Variants in AHI1 observed in about 807,000 individuals in gnomAD.
AHI1 encodes the protein Abelson helper integration site 1.
A neutral mutation model predicts 149.3 loss-of-function variants in AHI1; 123 were observed. That is an observed-to-expected ratio of 0.82 (90% CI 0.71 to 0.96). The LOEUF is 0.96. Among genes scored for constraint, AHI1 ranks in the 40% least tolerant of loss-of-function variants. The pLI, the probability that AHI1 is intolerant of heterozygous loss-of-function variation, is 0.00. For synonymous variants in AHI1, 475 were observed against 459.8 expected (o/e 1.03, Z -0.42); for missense variants, 1,439 against 1,422.7 (o/e 1.01, Z -0.18).
At chr6:135,489,133 G>A (rs1398150743) in intron 5 of AHI1, among the ~76,000 whole-genome samples, 2 of 152,068 alleles carry the variant, frequency 1.3e-5, no homozygotes, top group African/African-American at 4.8e-5. Flanking sequence ...TCTCCTCTAA[G>A]TCCTTTAGAA....
intron 23 of AHI1, among the ~76,000 whole-genome samples, chr6:135,376,881 CAAAAAAAAAAAAAAAAAAAAAAAAA>C (rs1167083326): frequency 3.7e-4 from 11 of 29,414 alleles, no homozygotes; most frequent in Admixed American, 3.7e-3. Flanking sequence ...GACTCCATCT[CAAAAAAAAAAAAAAAAAAAAAAAAA>C]AAAAAAAAAA....
chr6:135,398,301 C>A (rs958032484), intron 22 of AHI1, among the ~76,000 whole-genome samples: 4 of 151,902 alleles, frequency 2.6e-5, no homozygotes, highest in Non-Finnish European at 5.9e-5. Context: ...TCAAATATGA[C>A]CCCTCAGTCC....
In AHI1 at chr6:135,451,627, T is replaced by C. The variant is rs1788118376; in HGVS notation, c.1440+1714A>G. Reference sequence around the variant, plus strand: ...TGGGGGGTGGGGATGGGATAAGAATTCTTGACTGCCATTTTTGCCAATGGC... The same window carrying C: ...TGGGGGGTGGGGATGGGATAAGAATCCTTGACTGCCATTTTTGCCAATGGC... On this transcript the variant is annotated intron_variant, in intron 11 of 28. Coordinates refer to ENST00000265602, the MANE Select transcript of AHI1 (RefSeq NM_001134831.2). Among the ~76,000 whole-genome samples the C allele has an allele frequency of 2.0e-5, 3 of 152,046 alleles. No homozygotes were observed. In the South Asian group the frequency reaches 6.2e-4, roughly 32 times the overall value.
intron 23 of AHI1, among the ~76,000 whole-genome samples, chr6:135,391,128 T>C (rs1027140209): frequency 6.6e-5 from 10 of 152,222 alleles, no homozygotes; most frequent in Non-Finnish European, 8.8e-5. Context: ...AAGCATCTCA[T>C]AGGAGCTGTA....
chr6:135,428,586 C>A, intron 19 of AHI1, 43 bp downstream of exon 19: 2 of 1,573,560 alleles, frequency 1.3e-6, no homozygotes, highest in South Asian at 1.2e-5. Flanking sequence ...CTTCAAACCC[C>A]TGTACCTCCC....
chr6:135,382,941 A>G (rs1239210281), intron 23 of AHI1, among the ~76,000 whole-genome samples: 1 of 132,466 alleles, frequency 7.5e-6, no homozygotes, highest in Non-Finnish European at 1.6e-5. Context: ...ATATATATAT[A>G]TATATATATA....
intron 5 of AHI1, among the ~76,000 whole-genome samples, chr6:135,481,997 T>C (rs1260105692): frequency 6.6e-6 from 1 of 152,054 alleles, no homozygotes; most frequent in Non-Finnish European, 1.5e-5. Flanking sequence ...CTGGCTACTT[T>C]TAAGATTTCC....
chr6:135,300,436 A>C, intron 27 of AHI1, 64 bp downstream of exon 27: 1 of 1,423,918 alleles, frequency 7.0e-7, no homozygotes, highest in Non-Finnish European at 9.4e-7. Context: ...GAAATGGAGA[A>C]ATTATCCTTA....
intron 5 of AHI1, among the ~76,000 whole-genome samples, chr6:135,471,380 G>A (rs969875530): frequency 6.6e-6 from 1 of 152,030 alleles, no homozygotes; most frequent in African/African-American, 2.4e-5. Context: ...ACCTTTCATA[G>A]CATTACACTG....
Position 135,394,764 on chromosome 6 carries a change from A to T in AHI1, c.3109+12T>A, listed in dbSNP as rs1229367138. ...CATTTAAAAGAATTGTCAAAGTAAG[A>T]AAGGGGCTCACCGGTCTGAGTGAAA... On this transcript the variant is annotated intron_variant, in intron 23 of 28. Transcript: ENST00000265602. The T allele has an allele frequency of 3.1e-6, 5 of 1,609,670 alleles. No individual in the cohort carries two copies. The highest frequency in any genetic ancestry group is 2.7e-5 in the African/African-American group (2 of 74,830).
intron 14 of AHI1, among the ~76,000 whole-genome samples, chr6:135,440,277 C>T (rs895902441): frequency 6.6e-6 from 1 of 152,106 alleles, no homozygotes; most frequent in African/African-American, 2.4e-5. Flanking sequence ...GGAGGACAGC[C>T]CTAACCCTAA....
At position 135,383,141 on chromosome 6, in the gene AHI1, G is replaced by A. The variant is rs367991051; in HGVS notation, c.3109+11635C>T. ...TTATCAGAAATGTGTCCAACATTTT[G>A]TATATATAAATATATACACTGTAAT... On this transcript the variant is annotated intron_variant, in intron 23 of 28. Transcript: ENST00000265602. Among the ~76,000 whole-genome samples, 298 of 140,308 alleles carry A rather than the reference G, an allele frequency of 2.1e-3. 4 individuals carry two copies. The highest frequency in any genetic ancestry group is 7.2e-3 in the African/African-American group (272 of 37,846). 92.0% of individuals were successfully genotyped at this position (140,308 alleles called of 152,430 possible). A position where few individuals can be genotyped will look rare whatever the true frequency, so the allele number is the denominator to read the frequency against.
At chr6:135,487,186 T>TA (rs939742019) in intron 5 of AHI1, among the ~76,000 whole-genome samples, 6 of 152,132 alleles carry the variant, frequency 3.9e-5, no homozygotes, top group Admixed American at 3.9e-4. Flanking sequence ...TACATTCTTT[T>TA]AAAAAAACTC....
At chr6:135,350,200 T>G (rs1419674126) in intron 24 of AHI1, among the ~76,000 whole-genome samples, 1 of 152,222 alleles carries the variant, frequency 6.6e-6, no homozygotes, top group Non-Finnish European at 1.5e-5. Flanking sequence ...GCCTCTTCAA[T>G]TGCTTCTGAT....
intron 4 of AHI1, among the ~76,000 whole-genome samples, chr6:135,491,563 C>T (rs557387319): frequency 1.3e-5 from 2 of 152,084 alleles, no homozygotes; most frequent in Non-Finnish European, 2.9e-5. Flanking sequence ...AGCACTCAAC[C>T]CAAATGGAAA....
intron 26 of AHI1, among the ~76,000 whole-genome samples, chr6:135,307,558 C>T (rs1363842442): frequency 1.3e-5 from 2 of 151,790 alleles, no homozygotes; most frequent in Non-Finnish European, 2.9e-5. Flanking sequence ...GTCTACAGCT[C>T]ATATACAACT....
chr6:135,425,501 C>A (rs1274450648), intron 20 of AHI1, among the ~76,000 whole-genome samples: 1 of 151,846 alleles, frequency 6.6e-6, no homozygotes, highest in Non-Finnish European at 1.5e-5. Flanking sequence ...ATGGGCATAA[C>A]AACCCATTTT....
chr6:135,417,873 C>A (rs1034438914), intron 20 of AHI1, among the ~76,000 whole-genome samples: 8 of 151,980 alleles, frequency 5.3e-5, no homozygotes, highest in Non-Finnish European at 1.2e-4. Context: ...CATACATCAA[C>A]TTGTATCAGA....
intron 7 of AHI1, among the ~76,000 whole-genome samples, chr6:135,464,219 G>T (rs1790384272): frequency 6.6e-6 from 1 of 151,994 alleles, no homozygotes; most frequent in Non-Finnish European, 1.5e-5. Flanking sequence ...TAAGACTAGA[G>T]AAATATTTCA....
Sources: gnomAD v4.1 joint callset for allele counts (sites outside exome capture counted in the v4.1 genomes callset) on GRCh38, gnomAD v4.1.1 for gene constraint, MANE v1.5 for transcripts, NCBI Gene and HGNC (gene_info 2026-07-23, HGNC 2026-07-21) for gene names.